The following CFAP77 variants were observed in gnomAD, a reference collection of about 807,000 sequenced individuals.
CFAP77 encodes cilia and flagella associated protein 77, also known as cilia- and flagella-associated protein 77.
A neutral mutation model predicts 31.1 loss-of-function variants in CFAP77; 25 were observed. That is an observed-to-expected ratio of 0.80 (90% CI 0.59 to 1.12). The LOEUF (loss-of-function observed/expected upper bound fraction) is 1.12. CFAP77 is among the 50% of genes most tolerant of loss of function. The pLI is 0.00. For missense variants in CFAP77, 377 were observed against 397.3 expected (o/e 0.95, Z 0.44); for synonymous variants, 151 against 159.9 (o/e 0.94, Z 0.42).
At chr9:132,435,165 T>A (rs1850484518) in intron 1 of CFAP77, among the ~76,000 whole-genome samples, 1 of 152,166 alleles carries the variant, frequency 6.6e-6, no homozygotes, top group Non-Finnish European at 1.5e-5. Context: ...CGGGAGGGAA[T>A]GCAACCCAGG....
chr9:132,464,990 C>G (rs1196612976), intron 1 of CFAP77, among the ~76,000 whole-genome samples: 1 of 146,900 alleles, frequency 6.8e-6, no homozygotes. Flanking sequence ...AGGAGAATTA[C>G]TTGAACCTGG....
chr9:132,542,558 C>T (rs899259440), intron 4 of CFAP77, among the ~76,000 whole-genome samples: 35 of 152,334 alleles, frequency 2.3e-4, no homozygotes, highest in Non-Finnish European at 3.5e-4. Flanking sequence ...CCCCTGGAAT[C>T]GTGCACTTCT....
At chr9:132,457,338 T>C (rs1169360001) in intron 1 of CFAP77, among the ~76,000 whole-genome samples, 1 of 152,060 alleles carries the variant, frequency 6.6e-6, no homozygotes, top group African/African-American at 2.4e-5. Context: ...AGGATTAAAA[T>C]CGAGATTTCG....
rs1851789962 is a variant in CFAP77, at chr9:132,498,825, G to A, written c.295+31G>A. ...CGAGCAGCTTTGGAGCATGAGGGCA[G>A]AGGAGTGGGAGGGAGGCTCACCCCT... On this transcript the variant is annotated intron_variant, in intron 2 of 5. Transcript: ENST00000393216. This position sits in a 1 kb window ranked among gnomAD's most constrained non-coding sequence, Gnocchi z 4.2. The A allele has an allele frequency of 6.7e-7, 1 of 1,488,438 alleles. No individual in the cohort carries two copies. The highest frequency in any genetic ancestry group is 1.8e-5 in the Admixed American group (1 of 54,850). The allele number at this position is 1,488,438 out of a possible 1,614,324, so 92.2% of individuals were successfully genotyped here.
chr9:132,546,083 C>T (rs1852723861), intron 5 of CFAP77, among the ~76,000 whole-genome samples: 1 of 152,204 alleles, frequency 6.6e-6, no homozygotes, highest in African/African-American at 2.4e-5. Context: ...AGTAGGGGAT[C>T]AGTAAACATC....
chr9:132,525,304 G>A (rs1345987821), intron 3 of CFAP77, among the ~76,000 whole-genome samples: 1 of 152,158 alleles, frequency 6.6e-6, no homozygotes, highest in Non-Finnish European at 1.5e-5. Context: ...ACAGGTGTGA[G>A]CCACCACGCT....
intron 3 of CFAP77, chr9:132,513,151 A>G: frequency 8.2e-7 from 1 of 1,213,420 alleles, no homozygotes; most frequent in Non-Finnish European, 1.1e-6. Context: ...CCTCAAGCAC[A>G]CAATCCAATT....
intron 3 of CFAP77, among the ~76,000 whole-genome samples, chr9:132,531,162 TGCCTA>T (rs912136124): frequency 6.6e-6 from 1 of 152,254 alleles, no homozygotes; most frequent in Non-Finnish European, 1.5e-5. Flanking sequence ...CCTAAAATTC[TGCCTA>T]GCCTTTCTCT....
At chr9:132,466,126 GCC>G (rs1851147178) in intron 1 of CFAP77, among the ~76,000 whole-genome samples, 3 of 152,130 alleles carry the variant, frequency 2.0e-5, no homozygotes, top group Admixed American at 2.0e-4. Context: ...TTGCTCTGTT[GCC>G]CAGGCTGGGG....
chr9:132,533,579 T>C, intron 3 of CFAP77, among the ~76,000 whole-genome samples: 1 of 152,212 alleles, frequency 6.6e-6, no homozygotes, highest in East Asian at 1.9e-4. Flanking sequence ...TTGCAGTTTT[T>C]TTCTATTGAA....
intron 3 of CFAP77, among the ~76,000 whole-genome samples, chr9:132,520,099 T>C (rs1852242876): frequency 7.5e-6 from 1 of 133,348 alleles, no homozygotes; most frequent in South Asian, 2.6e-4. Context: ...GTTAATCCAC[T>C]CTGCTACACC....
At chr9:132,522,309 C>A (rs1852283005) in intron 3 of CFAP77, among the ~76,000 whole-genome samples, 1 of 152,202 alleles carries the variant, frequency 6.6e-6, no homozygotes, top group Non-Finnish European at 1.5e-5. Context: ...GACACTGCAG[C>A]CGGAAGGGTG....
intron 1 of CFAP77, among the ~76,000 whole-genome samples, chr9:132,469,261 A>G (rs1851212152): frequency 6.6e-6 from 1 of 152,244 alleles, no homozygotes; most frequent in Admixed American, 6.5e-5. Flanking sequence ...AGCGCCTTAC[A>G]AAAGCAGATA....
chr9:132,561,659 ACACC>A (rs562675710), intron 5 of CFAP77, among the ~76,000 whole-genome samples: 10,313 of 63,976 alleles, frequency 0.16, 670 homozygotes, highest in Middle Eastern at 0.19. Context: ...ACACACACAC[ACACC>A]CCCTCCATGT....
chr9:132,543,157 A>T (rs1852674495), intron 5 of CFAP77, 110 bp downstream of exon 5: 1 of 820,086 alleles, frequency 1.2e-6, no homozygotes, highest in African/African-American at 1.7e-5. Flanking sequence ...ACCATCGATT[A>T]GTACAACAGC....
intron 1 of CFAP77, among the ~76,000 whole-genome samples, chr9:132,451,802 C>T (rs491142): frequency 4.0e-5 from 6 of 148,336 alleles, no homozygotes; most frequent in African/African-American, 7.5e-5. Flanking sequence ...TTTTCTTTTT[C>T]TTTTCTTTTT....
intron 3 of CFAP77, among the ~76,000 whole-genome samples, chr9:132,508,546 G>A (rs2118987281): frequency 1.3e-5 from 2 of 152,332 alleles, no homozygotes; most frequent in Middle Eastern, 6.8e-3. Context: ...AGACACAGCA[G>A]CTGTCTATAA....
intron 1 of CFAP77, among the ~76,000 whole-genome samples, chr9:132,476,355 A>T (rs1387764592): frequency 6.6e-6 from 1 of 152,014 alleles, no homozygotes; most frequent in Non-Finnish European, 1.5e-5. Context: ...GTGGGGCTGG[A>T]TGGTGAGCTG....
Position 132,499,629 on chromosome 9 carries a change from C to A in CFAP77, c.524+29C>A. 6.2e-7 allele frequency: 1 copy of A among 1,602,308 alleles called. No homozygotes were observed. Among genetic ancestry groups the A allele is most frequent in the South Asian group, 1.1e-5 (1 of 90,784 alleles). On this transcript the variant is annotated intron_variant, in intron 3 of 5. Coordinates refer to ENST00000393216, the MANE Select transcript of CFAP77 (RefSeq NM_001282957.2). This position sits in a 1 kb window ranked among gnomAD's most constrained non-coding sequence, Gnocchi z 5.4. ...AGGTGGCTGGCAGCCAGGGCTTCAT[C>A]CCTTGAGGGGGTGGAGGTACCAGCT... is the stretch of plus-strand genomic sequence containing the variant.
Sources: gnomAD v4.1 joint callset for allele counts (sites outside exome capture counted in the v4.1 genomes callset) on GRCh38, gnomAD v4.1.1 for gene constraint, Gnocchi (gnomAD v3.1) non-coding constraint, MANE v1.5 for transcripts, NCBI Gene and HGNC (gene_info 2026-07-23, HGNC 2026-07-21) for gene names.